The following CIT variants were observed in gnomAD, a reference collection of about 807,000 sequenced individuals.
CIT encodes citron Rho-interacting kinase.
Under a neutral mutation model 272.7 loss-of-function variants are expected in CIT, and 79 were observed. That is an observed-to-expected ratio of 0.29 (90% CI 0.24 to 0.35). CIT has a LOEUF of 0.35. Among genes scored for constraint, CIT ranks in the 10% least tolerant of loss-of-function variants. The probability of loss-of-function intolerance (pLI) is 1.00; values close to 1 mark genes in which losing one functional copy is unlikely to be tolerated. For missense variants in CIT, 1,909 were observed against 2,618.3 expected (o/e 0.73, Z 5.91); for synonymous variants, 948 against 995.6 (o/e 0.95, Z 0.90).
Position 119,718,824 on chromosome 12 carries a change from G to A in CIT, c.3878C>T (p.Pro1293Leu), listed in dbSNP as rs139791416. 1 of 1,614,126 alleles carries A rather than the reference G, an allele frequency of 6.2e-7. No homozygotes were observed. Among genetic ancestry groups the A allele is most frequent in the South Asian group, 1.1e-5 (1 of 91,078 alleles). ...ATTGTACTGCAGAGGAACCTGTGTG[G>A]GTAAAGCAGGGTCCTCTTTCCGTCG... ...FSRRKEDPALPTQVPLQYNEL... is the reference protein window; with the variant it reads ...FSRRKEDPALLTQVPLQYNEL... The change falls in exon 31 of 48, where the codon CCC becomes CTC. Residue 1293 changes from proline (P) to leucine (L), a missense_variant. Coordinates refer to ENST00000392521, the MANE Select transcript of CIT (RefSeq NM_001206999.2). The surrounding 1 kb of genome is among the most constrained non-coding windows in gnomAD (Gnocchi z 4.8).
intron 7 of CIT, among the ~76,000 whole-genome samples, chr12:119,830,497 T>G (rs1968538815): frequency 6.6e-6 from 1 of 152,152 alleles, no homozygotes; most frequent in African/African-American, 2.4e-5. Context: ...CTTTGGAACT[T>G]GATTAGTTTG....
At chr12:119,780,596 G>A (rs1488607767) in intron 13 of CIT, among the ~76,000 whole-genome samples, 3 of 152,108 alleles carry the variant, frequency 2.0e-5, no homozygotes, top group Non-Finnish European at 4.4e-5. Context: ...CAGCCTGGGT[G>A]ACAGAGCGAG....
chr12:119,825,199 G>C lies in CIT; in HGVS notation c.923C>G (p.Ser308Cys), dbSNP rs55707601. 25,962 of 1,613,996 alleles carry C rather than the reference G, an allele frequency of 0.016. 273 individuals are homozygous for C. Among genetic ancestry groups the C allele is most frequent in the Non-Finnish European group, 0.018 (21,638 of 1,179,924 alleles). Residue 308 changes from serine (S) to cysteine (C), a missense_variant, in exon 8 of 48, where the codon TCT (serine) becomes TGT (cysteine). Physicochemically the swap from Ser to Cys is moderately radical, Grantham distance 112. This residue lies in a region of CIT where 529 missense variants were observed against 549.6 expected (regional missense o/e 0.96). Coordinates refer to ENST00000392521, the MANE Select transcript of CIT (RefSeq NM_001206999.2). ...CATAATGTTATTGAAGGTTCTGGCAGAGGTTCCCTCTGCGAAGGGGGATCT... is the reference window on the plus strand; with the variant it reads ...CATAATGTTATTGAAGGTTCTGGCACAGGTTCCCTCTGCGAAGGGGGATCT... ...YGRSPFAEGT[S>C]ARTFNNIMNF...
intron 17 of CIT, among the ~76,000 whole-genome samples, chr12:119,772,566 A>G (rs1385205078): frequency 2.6e-5 from 4 of 152,254 alleles, no homozygotes; most frequent in Non-Finnish European, 5.9e-5. Flanking sequence ...TTCTATGAAG[A>G]CATCTTTCTA....
At chr12:119,863,446 T>C (rs1327587954) in intron 3 of CIT, among the ~76,000 whole-genome samples, 3 of 152,098 alleles carry the variant, frequency 2.0e-5, no homozygotes, top group East Asian at 3.9e-4. Context: ...AAATAATCTA[T>C]AACAAACCCC....
intron 5 of CIT, among the ~76,000 whole-genome samples, chr12:119,847,134 G>A (rs1369846439): frequency 2.7e-5 from 4 of 150,842 alleles, no homozygotes; most frequent in African/African-American, 4.9e-5. Context: ...ACAGGCACCC[G>A]CCACCATACC....
At chr12:119,824,719 G>A (rs1039421895) in intron 8 of CIT, among the ~76,000 whole-genome samples, 9 of 152,070 alleles carry the variant, frequency 5.9e-5, no homozygotes, top group African/African-American at 9.7e-5. Context: ...CACACAATAC[G>A]TATAAAATAT....
intron 9 of CIT, among the ~76,000 whole-genome samples, chr12:119,807,086 A>C (rs1412668594): frequency 6.6e-6 from 1 of 152,214 alleles, no homozygotes; most frequent in African/African-American, 2.4e-5. Flanking sequence ...TTAGAATTTA[A>C]TTCTCTAAGA....
chr12:119,696,038 A>G (rs1956206767), intron 46 of CIT, among the ~76,000 whole-genome samples: 1 of 152,176 alleles, frequency 6.6e-6, no homozygotes, highest in African/African-American at 2.4e-5. Context: ...ATAGACAGAG[A>G]GGGCTGGCTG....
intron 32 of CIT, among the ~76,000 whole-genome samples, chr12:119,716,903 T>G (rs1405352581): frequency 6.6e-6 from 1 of 152,214 alleles, no homozygotes; most frequent in African/African-American, 2.4e-5. Flanking sequence ...GAATACTGTG[T>G]GGTTCTCTGA....
At chr12:119,725,034 T>A (rs73414105) in intron 28 of CIT, among the ~76,000 whole-genome samples, 1 of 151,648 alleles carries the variant, frequency 6.6e-6, no homozygotes, top group Non-Finnish European at 1.5e-5. Flanking sequence ...GTAAAGTTTG[T>A]CAGGAGCAAG....
At chr12:119,855,443 T>A (rs986471160) in intron 4 of CIT, among the ~76,000 whole-genome samples, 3 of 151,708 alleles carry the variant, frequency 2.0e-5, no homozygotes, top group African/African-American at 7.3e-5. Flanking sequence ...AATAAATAAA[T>A]AAAATATAAA....
intron 30 of CIT, chr12:119,719,120 A>G (rs1957701845): frequency 2.3e-6 from 1 of 428,274 alleles, no homozygotes; most frequent in South Asian, 2.4e-5. Flanking sequence ...CTCTTCCTCT[A>G]GCATTGCCAA....
chr12:119,823,000 T>C (rs1363332930), intron 8 of CIT, 27 bp from the exon 9 acceptor site: 11 of 1,594,106 alleles, frequency 6.9e-6, no homozygotes, highest in Non-Finnish European at 9.4e-6. Context: ...AAGAGAATTA[T>C]TTCCTTAGTA....
intron 2 of CIT, among the ~76,000 whole-genome samples, chr12:119,870,900 C>T (rs1950654500): frequency 6.6e-6 from 1 of 152,008 alleles, no homozygotes; most frequent in African/African-American, 2.4e-5. Flanking sequence ...GCAGGCGGAT[C>T]GCGAGGTCAG....
chr12:119,795,936 G>A (rs754957815), intron 10 of CIT, among the ~76,000 whole-genome samples: 5 of 152,238 alleles, frequency 3.3e-5, no homozygotes, highest in Non-Finnish European at 4.4e-5. Context: ...CTGTGCAGAA[G>A]GAATTGGTAT....
chr12:119,834,114 T>A lies in CIT; in HGVS notation c.631A>T (p.Ser211Cys), dbSNP rs769175691. ...TGCACGTATCCCATCAGATGAACGC[T>A]GTGAACAGCCAAAATCAGCTCAGCT... ...YLAELILAVH[S>C]VHLMGYVHRD... Residue 211 changes from serine to cysteine, a missense_variant, in exon 6 of 48, where the codon AGC becomes TGC. This residue lies in a region of CIT where 529 missense variants were observed against 549.6 expected (regional missense o/e 0.96). Coordinates refer to ENST00000392521, the MANE Select transcript of CIT (RefSeq NM_001206999.2). 4 of 1,613,988 alleles carry A rather than the reference T, an allele frequency of 2.5e-6. No individual in the cohort carries two copies. Among genetic ancestry groups the A allele is most frequent in the Non-Finnish European group, 3.4e-6 (4 of 1,179,972 alleles).
Position 119,752,263 on chromosome 12 carries a change from A to G in CIT, c.2707-16T>C. ...CTAGACTGACCTGAGACAGAGAGAG[A>G]GAGAGAAAGAGAGATAAACCCTTGC... On this transcript the variant is annotated splice_polypyrimidine_tract_variant and intron_variant, in intron 22 of 47. Transcript: ENST00000392521. 1 of 1,583,682 alleles carries G rather than the reference A, an allele frequency of 6.3e-7. No individual in the cohort carries two copies. Among genetic ancestry groups the G allele is most frequent in the Non-Finnish European group, 8.6e-7 (1 of 1,166,126 alleles).
chr12:119,752,343 G>A, intron 22 of CIT, 96 bp from the exon 23 acceptor site: 1 of 1,193,110 alleles, frequency 8.4e-7, no homozygotes, highest in Non-Finnish European at 1.1e-6. Flanking sequence ...ACCTGCAGCT[G>A]AAACCTGGTC....
Sources: allele counts gnomAD v4.1 joint callset (sites outside exome capture counted in the v4.1 genomes callset), GRCh38; gene constraint gnomAD v4.1.1; regional missense constraint gnomAD v4.1.1; non-coding constraint Gnocchi (gnomAD v3.1); transcripts MANE v1.5; gene names NCBI Gene and HGNC (gene_info 2026-07-23, HGNC 2026-07-21).